Variants in MCPH1 observed in about 807,000 individuals in gnomAD.
The protein encoded by MCPH1 is microcephalin.
In MCPH1, 104 loss-of-function variants were observed where a neutral mutation model predicts 84.5. That is an observed-to-expected ratio of 1.23 (90% CI 1.05 to 1.45). MCPH1 has a LOEUF of 1.45. MCPH1 is among the 40% of genes most tolerant of loss of function. The probability of loss-of-function intolerance (pLI) is 0.00; values close to 1 mark genes in which losing one functional copy is unlikely to be tolerated. For missense variants in MCPH1, 1,498 were observed against 1,005.7 expected (o/e 1.49, Z -6.62); for synonymous variants, 514 against 366.8 (o/e 1.40, Z -4.58).
At position 6,469,129 on chromosome 8, in the gene MCPH1, G is replaced by A. The variant is rs141255633; in HGVS notation, c.1936-8465G>A. Among the ~76,000 whole-genome samples the A allele has an allele frequency of 3.5e-4, 54 of 152,144 alleles. No individual in the cohort carries two copies. In the East Asian group the frequency reaches 8.7e-3, roughly 24 times the overall value. On this transcript the variant is annotated intron_variant, in intron 9 of 13. Transcript: ENST00000344683. ...CAGGAATTCGAGGCTGCTCTGAGCC[G>A]TGATTGTACCACTGCACTCCAGCCT...
intron 13 of MCPH1, among the ~76,000 whole-genome samples, chr8:6,637,652 G>A (rs1387409480): frequency 1.3e-5 from 2 of 152,142 alleles, no homozygotes; most frequent in Non-Finnish European, 2.9e-5. Context: ...TGTTTACTCT[G>A]TTTGTGTTTA....
chr8:6,516,939 C>T (rs528592518), intron 12 of MCPH1, among the ~76,000 whole-genome samples: 11 of 152,076 alleles, frequency 7.2e-5, no homozygotes, highest in Non-Finnish European at 1.2e-4. Flanking sequence ...TATGAGTATT[C>T]GCTTTGATTC....
At chr8:6,416,481 C>T (rs1281475337) in intron 3 of MCPH1, among the ~76,000 whole-genome samples, 1 of 152,156 alleles carries the variant, frequency 6.6e-6, no homozygotes, top group Non-Finnish European at 1.5e-5. Flanking sequence ...AGGACGTTCC[C>T]ATTCCCTTCT....
intron 5 of MCPH1, among the ~76,000 whole-genome samples, chr8:6,437,764 C>T (rs1200647129): frequency 1.3e-5 from 2 of 152,196 alleles, no homozygotes; most frequent in Non-Finnish European, 2.9e-5. Context: ...CTTCCTGACA[C>T]TAACCCCCAT....
chr8:6,507,168 G>T (rs75429999), intron 12 of MCPH1, among the ~76,000 whole-genome samples: 36,967 of 152,102 alleles, frequency 0.24, 5,844 homozygotes, highest in Middle Eastern at 0.4. Flanking sequence ...AAAGTGCTGG[G>T]ATTACAAGCG....
chr8:6,585,790 C>T (rs1827929663), intron 12 of MCPH1, among the ~76,000 whole-genome samples: 1 of 152,144 alleles, frequency 6.6e-6, no homozygotes, highest in Admixed American at 6.5e-5. Context: ...CCTTCATGAC[C>T]CACCATCCCA....
chr8:6,555,261 AAT>A (rs1824390041), intron 12 of MCPH1, among the ~76,000 whole-genome samples: 1 of 152,164 alleles, frequency 6.6e-6, no homozygotes, highest in South Asian at 2.1e-4. Flanking sequence ...TTCAAACTCT[AAT>A]AGTGGGAAGA....
chr8:6,487,229 A>G (rs1810044464), intron 11 of MCPH1, among the ~76,000 whole-genome samples: 2 of 152,230 alleles, frequency 1.3e-5, no homozygotes, highest in Admixed American at 6.5e-5. Context: ...CAGATAATCT[A>G]GTGTTTTCTT....
At chr8:6,410,648 A>C (rs532771020) in intron 2 of MCPH1, among the ~76,000 whole-genome samples, 1 of 152,162 alleles carries the variant, frequency 6.6e-6, no homozygotes, top group Non-Finnish European at 1.5e-5. Context: ...GGGTTTTACA[A>C]AAGGGAAAAG....
intron 12 of MCPH1, among the ~76,000 whole-genome samples, chr8:6,503,727 A>C (rs1016801354): frequency 2.4e-4 from 37 of 152,336 alleles, no homozygotes; most frequent in African/African-American, 8.9e-4. Flanking sequence ...TTAAGTACTC[A>C]GTGGAGCTAC....
intron 12 of MCPH1, among the ~76,000 whole-genome samples, chr8:6,512,440 G>A (rs962164737): frequency 5.3e-5 from 8 of 152,162 alleles, no homozygotes; most frequent in African/African-American, 1.7e-4. Flanking sequence ...GACTGTTTTT[G>A]TGATGTTCGT....
intron 12 of MCPH1, among the ~76,000 whole-genome samples, chr8:6,577,895 G>A (rs1041782824): frequency 5.9e-5 from 9 of 152,284 alleles, no homozygotes; most frequent in East Asian, 1.9e-4. Flanking sequence ...GTCTTCCTCC[G>A]CCTCCGGAGT....
intron 12 of MCPH1, among the ~76,000 whole-genome samples, chr8:6,519,056 G>A (rs903591728): frequency 2.0e-5 from 3 of 152,116 alleles, no homozygotes; most frequent in South Asian, 2.1e-4. Flanking sequence ...GTCCACTCAC[G>A]TTACATGCAG....
At chr8:6,492,182 G>A (rs1173049291) in intron 11 of MCPH1, among the ~76,000 whole-genome samples, 3 of 152,220 alleles carry the variant, frequency 2.0e-5, no homozygotes, top group Admixed American at 6.5e-5. Flanking sequence ...ACTGGTGTGT[G>A]ATGGTATCTC....
At chr8:6,428,014 A>T (rs1487917456) in intron 3 of MCPH1, among the ~76,000 whole-genome samples, 1 of 151,722 alleles carries the variant, frequency 6.6e-6, no homozygotes, top group Non-Finnish European at 1.5e-5. Flanking sequence ...GATGGCCTTG[A>T]ACCACTGACC....
chr8:6,438,497 G>A (rs1337878750), intron 5 of MCPH1, among the ~76,000 whole-genome samples: 2 of 152,164 alleles, frequency 1.3e-5, no homozygotes. Context: ...GGACCATGCT[G>A]ATCCCACTTC....
intron 2 of MCPH1, among the ~76,000 whole-genome samples, chr8:6,412,852 A>G (rs1436521091): frequency 7.2e-5 from 11 of 152,238 alleles, no homozygotes; most frequent in Admixed American, 6.5e-4. Context: ...AAAGTAATAC[A>G]TATTTATTGT....
intron 12 of MCPH1, 91 bp downstream of exon 12, chr8:6,500,020 A>T: frequency 9.3e-7 from 1 of 1,074,272 alleles, no homozygotes; most frequent in Non-Finnish European, 1.4e-6. Flanking sequence ...GTTTTTATCC[A>T]GTCAAGCACA....
intron 12 of MCPH1, among the ~76,000 whole-genome samples, chr8:6,581,453 A>C (rs1327462077): frequency 6.6e-6 from 1 of 152,250 alleles, no homozygotes; most frequent in Non-Finnish European, 1.5e-5. Flanking sequence ...TATGATCAAG[A>C]ACTCAAGATT....
Sources: allele counts gnomAD v4.1 joint callset (sites outside exome capture counted in the v4.1 genomes callset), GRCh38; gene constraint gnomAD v4.1.1; transcripts MANE v1.5; gene names NCBI Gene and HGNC (gene_info 2026-07-23, HGNC 2026-07-21).